SULF1: variants seen among roughly 807,000 people sequenced by gnomAD.
SULF1 encodes the protein sulfatase 1, also known as extracellular sulfatase Sulf-1.
SULF1 carries 46 observed loss-of-function variants against 110.5 expected under a neutral mutation model. The observed-to-expected ratio is 0.42, with a 90% CI of 0.33 to 0.53. The LOEUF (loss-of-function observed/expected upper bound fraction) is 0.53, where lower values mean the gene tolerates loss of function less well. SULF1 is among the 20% of genes least tolerant of loss of function. The pLI is 0.12. For synonymous variants in SULF1, 371 were observed against 387.1 expected (o/e 0.96, Z 0.49); for missense variants, 941 against 1,094.2 (o/e 0.86, Z 1.98).
chr8:69,490,399 CT>C (rs1809888540), upstream of SULF1, among the ~76,000 whole-genome samples: 1 of 152,122 alleles, frequency 6.6e-6, no homozygotes, highest in Admixed American at 6.5e-5. Context: ...CCATGCATGG[CT>C]ATACTCTTTA....
At chr8:69,531,699 C>G (rs2150643368) in intron 3 of SULF1, among the ~76,000 whole-genome samples, 1 of 152,294 alleles carries the variant, frequency 6.6e-6, no homozygotes, top group East Asian at 1.9e-4. Flanking sequence ...CCTGTGTCTT[C>G]ACTTAATTTC....
intron 16 of SULF1, 111 bp downstream of exon 16, chr8:69,627,417 G>T: frequency 4.7e-6 from 3 of 638,326 alleles, no homozygotes; most frequent in Non-Finnish European, 2.5e-6. Flanking sequence ...ATAATTATGT[G>T]AAAAAATACA....
chr8:69,502,699 T>C (rs1356582805), intron 3 of SULF1, among the ~76,000 whole-genome samples: 1 of 148,946 alleles, frequency 6.7e-6, no homozygotes, highest in Non-Finnish European at 1.5e-5. Context: ...TCTTTTTTTT[T>C]TTTTTTGAGA....
chr8:69,474,754 G>A (rs1197195659), intron 1 of SULF1, among the ~76,000 whole-genome samples: 1 of 152,150 alleles, frequency 6.6e-6, no homozygotes, highest in African/African-American at 2.4e-5. Flanking sequence ...ATATCAAACA[G>A]ATTAAATCTT....
At chr8:69,599,330 T>A (rs1345718886) in intron 8 of SULF1, among the ~76,000 whole-genome samples, 1 of 152,254 alleles carries the variant, frequency 6.6e-6, no homozygotes, top group Non-Finnish European at 1.5e-5. Flanking sequence ...TCTGTGAGGC[T>A]GCCTATTTGT....
intron 13 of SULF1, among the ~76,000 whole-genome samples, chr8:69,612,829 T>C (rs1463298512): frequency 6.6e-6 from 1 of 152,250 alleles, no homozygotes; most frequent in East Asian, 1.9e-4. Flanking sequence ...TGATTATTTC[T>C]TTTGCTGCGC....
At chr8:69,607,520 A>T (rs958947890) in intron 13 of SULF1, among the ~76,000 whole-genome samples, 1 of 152,096 alleles carries the variant, frequency 6.6e-6, no homozygotes, top group African/African-American at 2.4e-5. Context: ...ACACACCACC[A>T]TGCTCGACTA....
chr8:69,556,160 T>C (rs1301749682), intron 3 of SULF1, among the ~76,000 whole-genome samples: 2 of 152,140 alleles, frequency 1.3e-5, no homozygotes, highest in Non-Finnish European at 2.9e-5. Flanking sequence ...TGTGTGTGTG[T>C]GGTATGTGCA....
intron 1 of SULF1, among the ~76,000 whole-genome samples, chr8:69,476,229 C>T (rs1809293115): frequency 6.6e-6 from 1 of 152,164 alleles, no homozygotes; most frequent in Non-Finnish European, 1.5e-5. Context: ...ACTACAAAGA[C>T]AAATCATCCT....
chr8:69,470,338 T>C (rs1265347604), intron 1 of SULF1, among the ~76,000 whole-genome samples: 3 of 152,224 alleles, frequency 2.0e-5, no homozygotes, highest in African/African-American at 4.8e-5. Context: ...AGCTTTTATT[T>C]AGGTTAGAAC....
At chr8:69,602,232 G>C (rs548088543) in intron 10 of SULF1, among the ~76,000 whole-genome samples, 2 of 152,162 alleles carry the variant, frequency 1.3e-5, no homozygotes, top group Admixed American at 6.5e-5. Flanking sequence ...GTTTTTAAAA[G>C]ATAAATTTTG....
intron 22 of SULF1, among the ~76,000 whole-genome samples, chr8:69,650,806 C>T (rs1812279169): frequency 6.6e-6 from 1 of 152,132 alleles, no homozygotes; most frequent in South Asian, 2.1e-4. Flanking sequence ...CATTTTTTGA[C>T]CACCTCGTTG....
chr8:69,489,405 C>T (rs1303777988), upstream of SULF1, among the ~76,000 whole-genome samples: 1 of 152,012 alleles, frequency 6.6e-6, no homozygotes, highest in African/African-American at 2.4e-5. Context: ...AGTAGGAGAG[C>T]CCTAAATCAT....
In SULF1 at chr8:69,600,764, G is replaced by T; in HGVS notation, c.885+11G>T. 6.2e-7 allele frequency: 1 copy of T among 1,610,760 alleles called. No individual in the cohort carries two copies. Among genetic ancestry groups the T allele is most frequent in the South Asian group, 1.1e-5 (1 of 90,618 alleles). ...GATTCTGTGGAGAGGGTAAGCACAT[G>T]AACCTACCTCAGTGATAGTTTTTGG... On this transcript the variant is annotated intron_variant, in intron 9 of 22. Coordinates refer to ENST00000402687, the MANE Select transcript of SULF1 (RefSeq NM_001128205.2).
chr8:69,474,292 A>ATTATC (rs1422349055), intron 1 of SULF1, among the ~76,000 whole-genome samples: 1 of 152,192 alleles, frequency 6.6e-6, no homozygotes, highest in Non-Finnish European at 1.5e-5. Context: ...ACCTCTAGAT[A>ATTATC]TTATCTTCAA....
At chr8:69,626,488 C>T (rs1810039754) in intron 15 of SULF1, among the ~76,000 whole-genome samples, 1 of 152,270 alleles carries the variant, frequency 6.6e-6, no homozygotes, top group Non-Finnish European at 1.5e-5. Flanking sequence ...CGCTCGCACT[C>T]CTCAGCCCTT....
intron 3 of SULF1, among the ~76,000 whole-genome samples, chr8:69,513,740 G>A (rs113898354): frequency 0.012 from 1,872 of 152,318 alleles, 54 homozygotes; most frequent in African/African-American, 0.041. Context: ...CTGGACTGAA[G>A]GACAGCCTGC....
chr8:69,494,491 C>T (rs1810189626), intron 1 of SULF1, among the ~76,000 whole-genome samples: 1 of 152,094 alleles, frequency 6.6e-6, no homozygotes, highest in Non-Finnish European at 1.5e-5. Context: ...TTAGAATTCT[C>T]TGTGGCTCCC....
At chr8:69,613,563 T>C (rs1808839334) in intron 13 of SULF1, among the ~76,000 whole-genome samples, 1 of 152,172 alleles carries the variant, frequency 6.6e-6, no homozygotes, top group Non-Finnish European at 1.5e-5. Flanking sequence ...TTCTATGAGA[T>C]ACATATTATG....
Sources: allele counts gnomAD v4.1 joint callset (sites outside exome capture counted in the v4.1 genomes callset), GRCh38; gene constraint gnomAD v4.1.1; transcripts MANE v1.5; gene names NCBI Gene and HGNC (gene_info 2026-07-23, HGNC 2026-07-21).